The following DPP6 variants were observed in gnomAD, a reference collection of about 807,000 sequenced individuals.
DPP6 encodes A-type potassium channel modulatory protein DPP6.
A neutral mutation model predicts 122.6 loss-of-function variants in DPP6; 69 were observed. The ratio of observed to expected loss-of-function variants is 0.56; its 90% CI spans 0.46 to 0.69. The LOEUF is 0.69. Ranked by LOEUF, DPP6 falls within the 30% of genes least tolerant of loss-of-function variation. DPP6 has a pLI of 0.00. For synonymous variants in DPP6, 418 were observed against 433.1 expected (o/e 0.97, Z 0.43); for missense variants, 928 against 1,116.9 (o/e 0.83, Z 2.41).
At chr7:153,936,882 C>T (rs141317533) in intron 1 of DPP6, among the ~76,000 whole-genome samples, 3 of 152,190 alleles carry the variant, frequency 2.0e-5, no homozygotes, top group East Asian at 3.9e-4. Context: ...AGGGATGGTA[C>T]GCTTCTGTCG....
chr7:154,676,210 C>A (rs1404432568), intron 7 of DPP6, among the ~76,000 whole-genome samples: 2 of 148,384 alleles, frequency 1.3e-5, no homozygotes, highest in African/African-American at 5.0e-5. Context: ...GTCTGGAGGT[C>A]CAGCTGCCCT....
rs73729241 is a variant in DPP6, at chr7:153,956,946, G to C, written c.51+69212G>C. Among the ~76,000 whole-genome samples the C allele has an allele frequency of 2.9e-3, 441 of 152,194 alleles. 2 individuals are homozygous for C. The highest frequency in any genetic ancestry group is 9.4e-3 in the African/African-American group (392 of 41,510). On this transcript the variant is annotated intron_variant, in intron 1 of 25. Coordinates refer to the DPP6 transcript ENST00000404039. ...TAGCAAGGCTCTTAGGATTTTTAGA[G>C]TGTTAAAAAAAATTCCGAAACCCAG... is the stretch of plus-strand genomic sequence containing the variant.
intron 1 of DPP6, among the ~76,000 whole-genome samples, chr7:154,387,186 T>C (rs1218548047): frequency 6.6e-6 from 1 of 152,126 alleles, no homozygotes; most frequent in Non-Finnish European, 1.5e-5. Flanking sequence ...AATTCTGAAG[T>C]GACCTACATC....
intron 1 of DPP6, among the ~76,000 whole-genome samples, chr7:154,233,797 T>C (rs1801045572): frequency 6.6e-6 from 1 of 152,216 alleles, no homozygotes; most frequent in African/African-American, 2.4e-5. Flanking sequence ...AGCCACCTGA[T>C]CTGTAGGACT....
chr7:154,333,206 G>A (rs1809107572), intron 1 of DPP6, among the ~76,000 whole-genome samples: 2 of 152,008 alleles, frequency 1.3e-5, no homozygotes, highest in African/African-American at 2.4e-5. Flanking sequence ...AGTTTGGAGA[G>A]ATATGACATG....
At chr7:154,366,717 T>A (rs1012241495) in intron 1 of DPP6, among the ~76,000 whole-genome samples, 1 of 152,056 alleles carries the variant, frequency 6.6e-6, no homozygotes, top group Admixed American at 6.6e-5. Context: ...GATGGAAGAA[T>A]TGGGTGAGGT....
intron 1 of DPP6, among the ~76,000 whole-genome samples, chr7:154,295,936 A>C (rs73491245): frequency 0.11 from 16,211 of 141,592 alleles, 1,281 homozygotes; most frequent in East Asian, 0.27. Context: ...ATGCATAAAC[A>C]GTTGCTTCTT....
chr7:154,889,120 C>T (rs1202566612), intron 23 of DPP6, among the ~76,000 whole-genome samples, 152 bp from the exon 24 acceptor site: 2 of 152,152 alleles, frequency 1.3e-5, no homozygotes, highest in Non-Finnish European at 2.9e-5. Flanking sequence ...ATCTGCCCTG[C>T]ATTTCTTTGC....
At chr7:154,869,310 A>G (rs1804173773) in intron 18 of DPP6, among the ~76,000 whole-genome samples, 1 of 152,218 alleles carries the variant, frequency 6.6e-6, no homozygotes, top group African/African-American at 2.4e-5. Flanking sequence ...CTCAGCTCCC[A>G]AGAGCAGGTA....
chr7:154,412,947 T>C (rs1436089782), intron 1 of DPP6, among the ~76,000 whole-genome samples: 1 of 152,222 alleles, frequency 6.6e-6, no homozygotes, highest in Non-Finnish European at 1.5e-5. Context: ...ACACCTTTCT[T>C]AGGGAAATAC....
chr7:153,819,132 A>T, the DPP6 span, among the ~76,000 whole-genome samples: 1 of 99,914 alleles, frequency 1.0e-5, no homozygotes, highest in African/African-American at 4.1e-5. Flanking sequence ...GGTTTGTTAT[A>T]TAGGTAAAGG....
At chr7:154,510,694 CA>C (rs67365097) in intron 3 of DPP6, among the ~76,000 whole-genome samples, 32,233 of 133,876 alleles carry the variant, frequency 0.24, 3,648 homozygotes, top group Middle Eastern at 0.3. Context: ...CCAGGTGTCT[CA>C]AAAAAAAAAA....
At chr7:154,043,936 A>G (rs1053244772) in intron 1 of DPP6, among the ~76,000 whole-genome samples, 5 of 146,218 alleles carry the variant, frequency 3.4e-5, no homozygotes, top group African/African-American at 1.3e-4. Flanking sequence ...GCTGGGTTAT[A>G]CAGGAGCACA....
intron 1 of DPP6, among the ~76,000 whole-genome samples, chr7:154,234,845 C>T (rs1801110681): frequency 6.6e-6 from 1 of 152,106 alleles, no homozygotes; most frequent in African/African-American, 2.4e-5. Context: ...GTGTGCTGGG[C>T]CTCTGCTCTT....
intron 22 of DPP6, among the ~76,000 whole-genome samples, chr7:154,886,033 G>A (rs1347108109): frequency 2.0e-5 from 3 of 152,260 alleles, no homozygotes; most frequent in Non-Finnish European, 4.4e-5. Context: ...CAGTGGGGGC[G>A]AGGAAGCCAG....
intron 1 of DPP6, among the ~76,000 whole-genome samples, chr7:153,925,912 G>A (rs1183112011): frequency 6.6e-6 from 1 of 152,148 alleles, no homozygotes; most frequent in Non-Finnish European, 1.5e-5. Flanking sequence ...TACATCGTAG[G>A]AACTCCTGTG....
At chr7:154,578,794 G>T (rs1047367540) in intron 5 of DPP6, among the ~76,000 whole-genome samples, 73 of 152,254 alleles carry the variant, frequency 4.8e-4, no homozygotes, top group African/African-American at 1.7e-3. Context: ...GTGCACAAAG[G>T]GAGTAAGTAG....
At chr7:154,129,051 A>G (rs538032770) in intron 1 of DPP6, among the ~76,000 whole-genome samples, 5 of 151,820 alleles carry the variant, frequency 3.3e-5, no homozygotes, top group African/African-American at 9.7e-5. Flanking sequence ...TTACAAACCC[A>G]CCACCCCCCG....
At chr7:154,194,302 G>C (rs556972988) in intron 1 of DPP6, among the ~76,000 whole-genome samples, 7 of 152,204 alleles carry the variant, frequency 4.6e-5, no homozygotes, top group Non-Finnish European at 1.0e-4. Context: ...GGGTGAAATA[G>C]AAGGGAATTA....
Sources: gnomAD v4.1 joint callset for allele counts (sites outside exome capture counted in the v4.1 genomes callset) on GRCh38, gnomAD v4.1.1 for gene constraint, MANE v1.5 for transcripts, NCBI Gene and HGNC (gene_info 2026-07-23, HGNC 2026-07-21) for gene names.